The following GALNT14 variants were observed in gnomAD, a reference collection of about 807,000 sequenced individuals.
GALNT14 encodes polypeptide N-acetylgalactosaminyltransferase 14.
In GALNT14, 60 loss-of-function variants were observed where a neutral mutation model predicts 77.5. That is an observed-to-expected ratio of 0.77 (90% confidence interval 0.63 to 0.96). The LOEUF (loss-of-function observed/expected upper bound fraction) is 0.96, where lower values mean the gene tolerates loss of function less well. GALNT14 is among the 40% of genes least tolerant of loss of function. The pLI, the probability that GALNT14 is intolerant of heterozygous loss-of-function variation, is 0.00. For missense variants in GALNT14, 710 were observed against 731.0 expected (o/e 0.97, Z 0.33); for synonymous variants, 280 against 281.7 (o/e 0.99, Z 0.06).
chr2:30,944,952 A>G lies in GALNT14; in HGVS notation c.743-10T>C. Reference sequence around the variant, plus strand: ...AGGCTCCAGTCAAACCCTACAACACAGCACCAACCCACCTGCTTTGGTCTC... The same window carrying G: ...AGGCTCCAGTCAAACCCTACAACACGGCACCAACCCACCTGCTTTGGTCTC... On this transcript the variant is annotated splice_polypyrimidine_tract_variant and intron_variant, in intron 7 of 14. Transcript: ENST00000349752. The G allele has an allele frequency of 1.9e-6, 3 of 1,594,702 alleles. No homozygotes were observed. Among genetic ancestry groups the G allele is most frequent in the Non-Finnish European group, 1.7e-6 (2 of 1,168,160 alleles).
At chr2:31,028,697 G>A (rs1286671389) in intron 1 of GALNT14, among the ~76,000 whole-genome samples, 1 of 152,222 alleles carries the variant, frequency 6.6e-6, no homozygotes, top group African/African-American at 2.4e-5. Context: ...GGCTTTATTT[G>A]CTTAATGAAT....
At chr2:31,014,626 G>A (rs528590991) in intron 1 of GALNT14, among the ~76,000 whole-genome samples, 1 of 152,278 alleles carries the variant, frequency 6.6e-6, no homozygotes, top group South Asian at 2.1e-4. Flanking sequence ...TGGGACACAC[G>A]ATACATGTAG....
At chr2:31,076,274 C>T (rs1248004802) in intron 1 of GALNT14, among the ~76,000 whole-genome samples, 2 of 152,192 alleles carry the variant, frequency 1.3e-5, no homozygotes, top group Non-Finnish European at 2.9e-5. Flanking sequence ...TTCTATGACT[C>T]ATATTCTCTG....
At chr2:31,121,985 A>C (rs932751349) in intron 1 of GALNT14, among the ~76,000 whole-genome samples, 1 of 152,172 alleles carries the variant, frequency 6.6e-6, no homozygotes, top group Admixed American at 6.5e-5. Flanking sequence ...ATCATTTACA[A>C]AAGCCAGTGT....
intron 1 of GALNT14, among the ~76,000 whole-genome samples, chr2:31,110,865 A>AT (rs1472544235): frequency 3.3e-5 from 5 of 152,296 alleles, no homozygotes; most frequent in East Asian, 3.9e-4. Flanking sequence ...TAAAAGTCAG[A>AT]TTTTTTAAAG....
intron 2 of GALNT14, among the ~76,000 whole-genome samples, chr2:30,981,752 C>T (rs142166177): frequency 2.0e-4 from 31 of 152,166 alleles, no homozygotes; most frequent in East Asian, 1.7e-3. Flanking sequence ...ATGCTTTTAC[C>T]GGCAGAAGTA....
chr2:30,928,663 C>T (rs777776825), intron 11 of GALNT14, among the ~76,000 whole-genome samples: 2 of 152,160 alleles, frequency 1.3e-5, no homozygotes, highest in Non-Finnish European at 2.9e-5. Context: ...GTCACCCAGG[C>T]TGGAGTGCAG....
intron 1 of GALNT14, among the ~76,000 whole-genome samples, chr2:30,997,661 C>A (rs899211889): frequency 6.6e-6 from 1 of 152,168 alleles, no homozygotes; most frequent in African/African-American, 2.4e-5. Context: ...ATGCCACAAA[C>A]AGAAAACACA....
At chr2:31,062,128 G>A (rs1177564690) in intron 1 of GALNT14, among the ~76,000 whole-genome samples, 1 of 152,124 alleles carries the variant, frequency 6.6e-6, no homozygotes, top group Non-Finnish European at 1.5e-5. Context: ...CATGTGCCAT[G>A]GTGGTTTGCT....
intron 1 of GALNT14, among the ~76,000 whole-genome samples, chr2:31,105,219 C>T (rs1013336580): frequency 1.3e-5 from 2 of 152,128 alleles, no homozygotes; most frequent in Non-Finnish European, 2.9e-5. Flanking sequence ...TAATCTAATA[C>T]TCTGATTATT....
rs531520332 is a variant in GALNT14 at position 31,131,733 on chromosome 2, G to C, written c.129+6225C>G. 3.3e-5 allele frequency among the ~76,000 whole-genome samples: 5 copies of C among 152,284 alleles called. No individual in the cohort carries two copies. In the East Asian group the frequency reaches 5.8e-4, roughly 18 times the overall value. On this transcript the variant is annotated intron_variant, in intron 1 of 14. Coordinates refer to ENST00000349752, the MANE Select transcript of GALNT14 (RefSeq NM_024572.4). ...AAACCAAGCTGTGCAGGAATCCTGGGCTTCAGGCGTCAGCCCACGGCAGCC... is the reference window on the plus strand; with the variant it reads ...AAACCAAGCTGTGCAGGAATCCTGGCCTTCAGGCGTCAGCCCACGGCAGCC...
chr2:31,075,936 C>T (rs1203371718), intron 1 of GALNT14, among the ~76,000 whole-genome samples: 1 of 152,214 alleles, frequency 6.6e-6, no homozygotes, highest in East Asian at 1.9e-4. Context: ...GCAGAGGCTG[C>T]ATCTGGTTGT....
chr2:31,122,250 C>T (rs1012052794), intron 1 of GALNT14, among the ~76,000 whole-genome samples: 5 of 152,176 alleles, frequency 3.3e-5, no homozygotes, highest in African/African-American at 1.2e-4. Flanking sequence ...GTGAAGGGCA[C>T]AGTCAATGAT....
chr2:31,011,672 G>A (rs1671039220), intron 1 of GALNT14, among the ~76,000 whole-genome samples: 1 of 152,078 alleles, frequency 6.6e-6, no homozygotes, highest in African/African-American at 2.4e-5. Context: ...AGACCTGTCT[G>A]GCAGCAAATA....
At chr2:31,007,072 G>T (rs1240958840) in intron 1 of GALNT14, among the ~76,000 whole-genome samples, 2 of 152,166 alleles carry the variant, frequency 1.3e-5, no homozygotes, top group South Asian at 4.1e-4. Context: ...TATCTCGTGG[G>T]ACTCTGTGGG....
At chr2:30,916,361 T>C (rs1664677624) in intron 13 of GALNT14, among the ~76,000 whole-genome samples, 1 of 152,194 alleles carries the variant, frequency 6.6e-6, no homozygotes, top group Admixed American at 6.5e-5. Context: ...CTGCATCTCA[T>C]TATTGGGCCA....
At position 30,955,895 on chromosome 2, in the gene GALNT14, C is replaced by CA; in HGVS notation, c.532+16dup. ...GACACTCACACTGGAGGCTCCCGCA[C>CA]AACAGCTCAGACCTACCTTGCCGTT... is the stretch of plus-strand genomic sequence containing the variant. On this transcript the variant is annotated intron_variant, in intron 5 of 14. Coordinates refer to ENST00000349752, the MANE Select transcript of GALNT14 (RefSeq NM_024572.4). The CA allele has an allele frequency of 1.9e-6, 3 of 1,613,678 alleles. No homozygotes were observed. The highest frequency in any genetic ancestry group is 2.5e-6 in the Non-Finnish European group (3 of 1,179,998).
the GALNT14 span, among the ~76,000 whole-genome samples, chr2:30,899,782 C>T: frequency 3.9e-5 from 6 of 152,196 alleles, no homozygotes; most frequent in Non-Finnish European, 8.8e-5. Flanking sequence ...GTGCTCAGAG[C>T]TTTGGAGTCT....
intron 1 of GALNT14, among the ~76,000 whole-genome samples, chr2:31,083,711 G>A (rs1676270176): frequency 6.6e-6 from 1 of 152,204 alleles, no homozygotes; most frequent in Non-Finnish European, 1.5e-5. Context: ...TTGTGGAAAG[G>A]TGTAGGTGCC....
Sources: allele counts gnomAD v4.1 joint callset (sites outside exome capture counted in the v4.1 genomes callset), GRCh38; gene constraint gnomAD v4.1.1; transcripts MANE v1.5; gene names NCBI Gene and HGNC (gene_info 2026-07-23, HGNC 2026-07-21).